The following GALNT7 variants were observed in gnomAD, a reference collection of about 807,000 sequenced individuals.
GALNT7 encodes the protein polypeptide N-acetylgalactosaminyltransferase 7.
GALNT7 carries 60 observed loss-of-function variants against 82.1 expected under a neutral mutation model. That is an observed-to-expected ratio of 0.73 (90% confidence interval 0.59 to 0.91). GALNT7 has a LOEUF of 0.91. Ranked by LOEUF, GALNT7 falls within the 40% of genes least tolerant of loss-of-function variation. The pLI, the probability that GALNT7 is intolerant of heterozygous loss-of-function variation, is 0.00. For missense variants in GALNT7, 660 were observed against 804.2 expected (o/e 0.82, Z 2.17); for synonymous variants, 243 against 275.1 (o/e 0.88, Z 1.15).
At chr4:173,180,760 G>A (rs1489422369) in intron 1 of GALNT7, among the ~76,000 whole-genome samples, 1 of 152,208 alleles carries the variant, frequency 6.6e-6, no homozygotes, top group East Asian at 1.9e-4. Context: ...GCTTACTTGA[G>A]AAGACTTAAA....
chr4:173,305,175 T>G (rs1048754479), intron 8 of GALNT7, among the ~76,000 whole-genome samples: 1 of 152,172 alleles, frequency 6.6e-6, no homozygotes, highest in African/African-American at 2.4e-5. Flanking sequence ...TAATTTGCAT[T>G]TCTCTGATAA....
intron 1 of GALNT7, among the ~76,000 whole-genome samples, chr4:173,211,696 CTTG>C (rs919056708): frequency 1.3e-5 from 2 of 152,166 alleles, no homozygotes; most frequent in African/African-American, 4.8e-5. Context: ...TCTAAATAGT[CTTG>C]TTAATTGAAG....
At chr4:173,230,848 A>G (rs543743154) in intron 1 of GALNT7, among the ~76,000 whole-genome samples, 1 of 152,302 alleles carries the variant, frequency 6.6e-6, no homozygotes, top group South Asian at 2.1e-4. Flanking sequence ...TTATTCTGTG[A>G]TAGTGTAATT....
At chr4:173,183,544 C>A (rs1244281750) in intron 1 of GALNT7, among the ~76,000 whole-genome samples, 1 of 152,020 alleles carries the variant, frequency 6.6e-6, no homozygotes, top group African/African-American at 2.4e-5. Context: ...TCTCCTATGT[C>A]TACTTCTTTC....
chr4:173,271,999 G>A (rs1735745526), intron 2 of GALNT7, among the ~76,000 whole-genome samples: 1 of 152,128 alleles, frequency 6.6e-6, no homozygotes, highest in African/African-American at 2.4e-5. Context: ...AAACAATGCT[G>A]TGAGGAACCC....
chr4:173,223,636 C>T (rs75830483), intron 1 of GALNT7, among the ~76,000 whole-genome samples: 3,375 of 151,978 alleles, frequency 0.022, 101 homozygotes, highest in Admixed American at 0.068. Flanking sequence ...TCACTAAAAT[C>T]ACCTAAAGAA....
intron 1 of GALNT7, among the ~76,000 whole-genome samples, chr4:173,199,057 A>G (rs1343191888): frequency 6.6e-6 from 1 of 152,230 alleles, no homozygotes; most frequent in Admixed American, 6.5e-5. Flanking sequence ...AGCTGTTGCA[A>G]TAAGAGCAAA....
intron 2 of GALNT7, among the ~76,000 whole-genome samples, chr4:173,262,304 ACTGTTTCTAGTCTGT>A (rs905243647): frequency 6.6e-6 from 1 of 152,204 alleles, no homozygotes; most frequent in Non-Finnish European, 1.5e-5. Flanking sequence ...AACCTTTAGT[ACTGTTTCTAGTCTGT>A]CTTGCACTTT....
chr4:173,190,992 C>T (rs945209926), intron 1 of GALNT7, among the ~76,000 whole-genome samples: 5 of 150,336 alleles, frequency 3.3e-5, no homozygotes, highest in Non-Finnish European at 7.4e-5. Flanking sequence ...AGGTTATAAG[C>T]AAAAGTCTGT....
Position 173,300,400 on chromosome 4 carries a change from C to G in GALNT7, c.1149-1647C>G, listed in dbSNP as rs563100639. On this transcript the variant is annotated intron_variant, in intron 6 of 11. Transcript: ENST00000265000. ...TGATAAGTAGTATGAAGAAAAATCA[C>G]AGAGTACATGAGTTTATGGAAAGAT... 1.9e-4 allele frequency among the ~76,000 whole-genome samples: 29 copies of G among 152,268 alleles called. No individual in the cohort carries two copies. In the South Asian group the frequency reaches 5.2e-3, roughly 27 times the overall value.
At chr4:173,293,844 T>C (rs1407810678) in intron 3 of GALNT7, among the ~76,000 whole-genome samples, 1 of 152,214 alleles carries the variant, frequency 6.6e-6, no homozygotes. Flanking sequence ...GCTCAGACAC[T>C]GCCTGCAGAG....
intron 1 of GALNT7, among the ~76,000 whole-genome samples, chr4:173,224,808 C>G (rs1233465328): frequency 1.1e-4 from 16 of 151,662 alleles, no homozygotes; most frequent in South Asian, 1.0e-3. Flanking sequence ...GTCAGGAGAT[C>G]CAGACCATCC....
At chr4:173,241,040 G>A (rs866402360) in intron 1 of GALNT7, among the ~76,000 whole-genome samples, 1 of 151,956 alleles carries the variant, frequency 6.6e-6, no homozygotes, top group Non-Finnish European at 1.5e-5. Context: ...CTTCATATGA[G>A]GTTATCTTCA....
chr4:173,292,028 C>T lies in GALNT7; in HGVS notation c.588-80C>T. The T allele has an allele frequency of 1.2e-6, 1 of 866,748 alleles. No homozygotes were observed. Among genetic ancestry groups the T allele is most frequent in the Non-Finnish European group, 1.9e-6 (1 of 539,308 alleles). 53.7% of individuals were successfully genotyped at this position (866,748 alleles called of 1,614,324 possible). ...GTAGTTAAGTCGATAGTATGTAATC[C>T]AATCAGCAAATATAGTCAGCTTGGA... On this transcript the variant is annotated intron_variant, in intron 2 of 11. Coordinates refer to ENST00000265000, the MANE Select transcript of GALNT7 (RefSeq NM_017423.3). This position sits in a 1 kb window ranked among gnomAD's most constrained non-coding sequence, Gnocchi z 4.8.
At chr4:173,272,078 A>T (rs935305998) in intron 2 of GALNT7, among the ~76,000 whole-genome samples, 1 of 152,222 alleles carries the variant, frequency 6.6e-6, no homozygotes, top group African/African-American at 2.4e-5. Flanking sequence ...GGAATCACTA[A>T]ATCAAAGGAT....
chr4:173,305,566 T>G (rs1737124162), intron 8 of GALNT7, among the ~76,000 whole-genome samples: 1 of 152,238 alleles, frequency 6.6e-6, no homozygotes, highest in African/African-American at 2.4e-5. Context: ...TAATCCATTT[T>G]GAGTTGATTT....
chr4:173,284,428 A>AT (rs1736236549), intron 2 of GALNT7, among the ~76,000 whole-genome samples: 3 of 152,208 alleles, frequency 2.0e-5, no homozygotes, highest in Non-Finnish European at 4.4e-5. Flanking sequence ...ATCCCATACA[A>AT]TTTTGGACAT....
intron 1 of GALNT7, among the ~76,000 whole-genome samples, chr4:173,217,253 A>G (rs988705563): frequency 1.6e-4 from 24 of 152,188 alleles, no homozygotes; most frequent in African/African-American, 5.5e-4. Flanking sequence ...TTAGCTGCAC[A>G]GTCACAGATC....
intron 1 of GALNT7, among the ~76,000 whole-genome samples, chr4:173,223,889 C>G (rs1733717109): frequency 6.6e-6 from 1 of 152,098 alleles, no homozygotes; most frequent in African/African-American, 2.4e-5. Flanking sequence ...GATAAAAATA[C>G]TTCTTCATTG....
Sources: gnomAD v4.1 joint callset for allele counts (sites outside exome capture counted in the v4.1 genomes callset) on GRCh38, gnomAD v4.1.1 for gene constraint, Gnocchi (gnomAD v3.1) non-coding constraint, MANE v1.5 for transcripts, NCBI Gene and HGNC (gene_info 2026-07-23, HGNC 2026-07-21) for gene names.